The following FBXW11 variants were observed in gnomAD, a reference collection of about 807,000 sequenced individuals.
FBXW11 encodes the protein F-box/WD repeat-containing protein 11.
FBXW11 carries 19 observed loss-of-function variants against 77.6 expected under a neutral mutation model. That is an observed-to-expected ratio of 0.24 (90% CI 0.17 to 0.36). The LOEUF (loss-of-function observed/expected upper bound fraction) is 0.36, where lower values mean the gene tolerates loss of function less well. Among genes scored for constraint, FBXW11 ranks in the 10% least tolerant of loss-of-function variants. The probability of loss-of-function intolerance (pLI) is 1.00; values close to 1 mark genes in which losing one functional copy is unlikely to be tolerated. For missense variants in FBXW11, 334 were observed against 704.2 expected, an observed-to-expected ratio of 0.47 and a Z score of 5.95; for synonymous variants, 235 against 249.4, an observed-to-expected ratio of 0.94 and a Z score of 0.54.
intron 1 of FBXW11, among the ~76,000 whole-genome samples, chr5:171,977,124 G>A (rs1201005696): frequency 6.6e-6 from 1 of 151,780 alleles, no homozygotes; most frequent in African/African-American, 2.4e-5. Context: ...AAGATCACTT[G>A]AGCCCAGGAG....
At chr5:171,889,962 A>G (rs936033479) in intron 7 of FBXW11, among the ~76,000 whole-genome samples, 7 of 152,178 alleles carry the variant, frequency 4.6e-5, no homozygotes, top group African/African-American at 1.7e-4. Context: ...TATGCAAAAC[A>G]TATCTAGCAA....
chr5:171,994,859 G>A (rs1272135158), intron 1 of FBXW11, among the ~76,000 whole-genome samples: 1 of 152,200 alleles, frequency 6.6e-6, no homozygotes, highest in Non-Finnish European at 1.5e-5. Flanking sequence ...CCAACATGGC[G>A]AAACCCCATC....
intron 1 of FBXW11, among the ~76,000 whole-genome samples, chr5:171,971,238 C>T (rs1316037745): frequency 6.6e-6 from 1 of 152,180 alleles, no homozygotes; most frequent in African/African-American, 2.4e-5. Context: ...TAAAGTCAAT[C>T]TATAGGTTTA....
intron 1 of FBXW11, among the ~76,000 whole-genome samples, chr5:171,962,101 G>A (rs186467093): frequency 6.8e-4 from 104 of 152,188 alleles, no homozygotes; most frequent in African/African-American, 2.3e-3. Flanking sequence ...CAGTACAGAC[G>A]ATTGTCCTTT....
chr5:171,871,285 A>C (rs1026170085), intron 10 of FBXW11, among the ~76,000 whole-genome samples: 1 of 152,190 alleles, frequency 6.6e-6, no homozygotes, highest in Admixed American at 6.5e-5. Flanking sequence ...AAGGAGAAAG[A>C]GCACAGATGA....
At chr5:171,878,900 G>A (rs925673194) in intron 7 of FBXW11, among the ~76,000 whole-genome samples, 6 of 152,026 alleles carry the variant, frequency 3.9e-5, no homozygotes, top group Admixed American at 2.0e-4. Context: ...ATACCCCTAC[G>A]TTTACAAAAA....
chr5:171,880,162 T>G (rs1331110560), intron 7 of FBXW11, among the ~76,000 whole-genome samples: 2 of 152,208 alleles, frequency 1.3e-5, no homozygotes, highest in African/African-American at 4.8e-5. Flanking sequence ...GGCAATATGG[T>G]GTCTAATTGC....
chr5:171,983,374 C>T lies in FBXW11; in HGVS notation c.45+23084G>A, dbSNP rs189765061. ...ATAAACTGGTAAATGTTACCTGTTT[C>T]CCTGAATTCTGTGAGCCTTTCCAGC... On this transcript the variant is annotated intron_variant, in intron 1 of 13. Transcript: ENST00000517395. 6.0e-3 allele frequency among the ~76,000 whole-genome samples: 917 copies of T among 152,198 alleles called. 6 individuals are homozygous for T. Among genetic ancestry groups the T allele is most frequent in the Non-Finnish European group, 8.9e-3 (605 of 68,010 alleles).
chr5:171,974,537 T>C (rs948051057), intron 1 of FBXW11, among the ~76,000 whole-genome samples: 2 of 151,270 alleles, frequency 1.3e-5, no homozygotes, highest in Non-Finnish European at 2.9e-5. Flanking sequence ...GTTTCCCTTA[T>C]ACATAAATTT....
chr5:171,865,521 T>C (rs546883063), intron 13 of FBXW11, among the ~76,000 whole-genome samples: 4 of 152,312 alleles, frequency 2.6e-5, no homozygotes, highest in Non-Finnish European at 4.4e-5. Flanking sequence ...GACAAATACA[T>C]TACTAACATG....
chr5:171,988,819 C>T (rs1002805192), intron 1 of FBXW11, among the ~76,000 whole-genome samples: 15 of 147,718 alleles, frequency 1.0e-4, no homozygotes, highest in Non-Finnish European at 1.3e-4. Flanking sequence ...CACTCCAGCC[C>T]GGGCAACAGA....
In FBXW11 at chr5:172,006,633, G is replaced by A; in HGVS notation, c.-131C>T. ...CTCTAGCTGCCAGCCCGCCCGGGCCGCCGGCAGCTCCGCCCTCCCCCTCGG... is the reference window on the plus strand; with the variant it reads ...CTCTAGCTGCCAGCCCGCCCGGGCCACCGGCAGCTCCGCCCTCCCCCTCGG... On this transcript the variant is annotated 5_prime_UTR_variant, in exon 1 of 14. Transcript: ENST00000517395. 2 of 1,298,134 alleles carry A rather than the reference G, an allele frequency of 1.5e-6. No individual in the cohort carries two copies. The highest frequency in any genetic ancestry group is 4.4e-5 in the South Asian group (2 of 45,054). 80.4% of individuals were successfully genotyped at this position (1,298,134 alleles called of 1,614,324 possible). A position where few individuals can be genotyped will look rare whatever the true frequency, so the allele number is the denominator to read the frequency against.
chr5:171,926,089 C>T (rs934506403), intron 2 of FBXW11, among the ~76,000 whole-genome samples: 2 of 152,152 alleles, frequency 1.3e-5, no homozygotes, highest in Non-Finnish European at 2.9e-5. Flanking sequence ...GCTTACTTAT[C>T]CTACCTAAAT....
intron 10 of FBXW11, among the ~76,000 whole-genome samples, chr5:171,872,389 G>T (rs1757809040): frequency 6.6e-6 from 1 of 152,184 alleles, no homozygotes; most frequent in Non-Finnish European, 1.5e-5. Flanking sequence ...GATGTTCTTA[G>T]TAAGATACAA....
intron 13 of FBXW11, among the ~76,000 whole-genome samples, chr5:171,866,100 A>G (rs1757374247): frequency 6.6e-6 from 1 of 152,114 alleles, no homozygotes; most frequent in African/African-American, 2.4e-5. Context: ...CCCCATCTCC[A>G]TTAAAAATAC....
At chr5:171,919,349 G>A (rs2113976391) in intron 2 of FBXW11, among the ~76,000 whole-genome samples, 1 of 152,204 alleles carries the variant, frequency 6.6e-6, no homozygotes, top group East Asian at 1.9e-4. Context: ...CAGCCCATGT[G>A]GTAGCACCAA....
At chr5:171,983,159 G>C (rs1311911829) in intron 1 of FBXW11, among the ~76,000 whole-genome samples, 1 of 152,092 alleles carries the variant, frequency 6.6e-6, no homozygotes. Context: ...CTACACTCCA[G>C]CCTAGGCAAC....
In FBXW11 at chr5:171,945,746, T is replaced by C. The variant is rs192767932; in HGVS notation, c.147+11851A>G. Among the ~76,000 whole-genome samples, 725 of 152,344 alleles carry C rather than the reference T, an allele frequency of 4.8e-3. 4 individuals are homozygous for C. Among genetic ancestry groups the C allele is most frequent in the African/African-American group, 0.017 (693 of 41,576 alleles). The stretch of plus-strand genomic sequence containing the variant: ...GAGGCTCCAAAGTCCAAATCACCGC[T>C]GACTAAATTCTTGTTAGATATTGAT... On this transcript the variant is annotated intron_variant, in intron 2 of 13. Coordinates refer to ENST00000517395, the MANE Select transcript of FBXW11 (RefSeq NM_001378974.1).
intron 11 of FBXW11, 28 bp downstream of exon 11, chr5:171,870,720 A>G (rs1450131759): frequency 2.1e-6 from 3 of 1,455,012 alleles, no homozygotes; most frequent in Admixed American, 1.7e-5. Flanking sequence ...CAGTTATAGC[A>G]GTACATCTGA....
Sources: gnomAD v4.1 joint callset for allele counts (sites outside exome capture counted in the v4.1 genomes callset) on GRCh38, gnomAD v4.1.1 for gene constraint, MANE v1.5 for transcripts, NCBI Gene and HGNC (gene_info 2026-07-23, HGNC 2026-07-21) for gene names.